CHCHD3: variants seen among roughly 807,000 people sequenced by gnomAD.
CHCHD3 encodes MICOS complex subunit MIC19.
Under a neutral mutation model 38.2 loss-of-function variants are expected in CHCHD3, and 20 were observed. The ratio of observed to expected loss-of-function variants is 0.52; its 90% CI spans 0.37 to 0.76. CHCHD3 has a LOEUF of 0.76. Among genes scored for constraint, CHCHD3 ranks in the 30% least tolerant of loss-of-function variants. The pLI, the probability that CHCHD3 is intolerant of heterozygous loss-of-function variation, is 0.00. For missense variants in CHCHD3, 245 were observed against 279.2 expected (o/e 0.88, Z 0.87); for synonymous variants, 82 against 100.0 (o/e 0.82, Z 1.07).
chr7:132,844,026 G>A (rs889093122), intron 5 of CHCHD3, among the ~76,000 whole-genome samples: 3 of 152,216 alleles, frequency 2.0e-5, no homozygotes, highest in Admixed American at 6.5e-5. Context: ...CGGGCCGGGC[G>A]AAGTGGCTCA....
At chr7:132,992,780 CTT>C (rs542266437) in intron 3 of CHCHD3, among the ~76,000 whole-genome samples, 3 of 152,014 alleles carry the variant, frequency 2.0e-5, no homozygotes, top group Non-Finnish European at 4.4e-5. Context: ...TTTAGAGTTA[CTT>C]TTTTTTGTTT....
Position 132,788,803 on chromosome 7 carries a change from T to C in CHCHD3, c.661-3143A>G, listed in dbSNP as rs917968025. ...GGTTCAGCTGATTTGTGGTGACTCCTTGAAGACATGTGGGACCACCACAGA... is the reference window on the plus strand; with the variant it reads ...GGTTCAGCTGATTTGTGGTGACTCCCTGAAGACATGTGGGACCACCACAGA... On this transcript the variant is annotated intron_variant, in intron 7 of 7. Transcript: ENST00000262570. The surrounding 1 kb of genome is among the most constrained non-coding windows in gnomAD (Gnocchi z 4.0). Among the ~76,000 whole-genome samples the C allele has an allele frequency of 2.6e-5, 4 of 152,236 alleles. No homozygotes were observed. Among genetic ancestry groups the C allele is most frequent in the Admixed American group, 6.5e-5 (1 of 15,288 alleles).
At chr7:132,798,378 G>T (rs868359049) in intron 6 of CHCHD3, among the ~76,000 whole-genome samples, 2 of 152,128 alleles carry the variant, frequency 1.3e-5, no homozygotes, top group African/African-American at 4.8e-5. Context: ...TCTGGACACA[G>T]ATTTCCCTAA....
chr7:132,999,361 C>T lies in CHCHD3; in HGVS notation c.252-24075G>A, dbSNP rs1584632659. ...AATGATTATTGTGGAATCCAATTAA[C>T]GATACTGTTAAGCATTTTGGTTAAG... is the stretch of plus-strand genomic sequence containing the variant. On this transcript the variant is annotated intron_variant, in intron 3 of 7. Transcript: ENST00000262570. Among the ~76,000 whole-genome samples, 4 of 152,124 alleles carry T rather than the reference C, an allele frequency of 2.6e-5. 1 individual carries two copies. The highest frequency in any genetic ancestry group is 1.3e-4 in the Admixed American group (2 of 15,280).
At chr7:132,990,957 C>CACACACAG (rs1812264488) in intron 3 of CHCHD3, among the ~76,000 whole-genome samples, 1 of 151,174 alleles carries the variant, frequency 6.6e-6, no homozygotes, top group Non-Finnish European at 1.5e-5. Context: ...CACATACACA[C>CACACACAG]ACACACACAC....
intron 3 of CHCHD3, among the ~76,000 whole-genome samples, chr7:133,016,001 A>G (rs545347690): frequency 2.0e-4 from 31 of 152,184 alleles, no homozygotes; most frequent in Non-Finnish European, 3.4e-4. Context: ...TGAGAAATCT[A>G]TCACAAGAAC....
intron 4 of CHCHD3, among the ~76,000 whole-genome samples, chr7:132,938,322 G>A (rs1296051060): frequency 6.6e-6 from 1 of 152,110 alleles, no homozygotes; most frequent in East Asian, 1.9e-4. Context: ...TCAAAGTAAG[G>A]CAAATGAGAA....
At chr7:132,938,393 T>C (rs1364874315) in intron 4 of CHCHD3, among the ~76,000 whole-genome samples, 3 of 152,118 alleles carry the variant, frequency 2.0e-5, no homozygotes, top group Non-Finnish European at 4.4e-5. Flanking sequence ...TGCACCCAAA[T>C]GAACACGTAA....
intron 3 of CHCHD3, among the ~76,000 whole-genome samples, chr7:132,984,824 CGGCAGCCACCCG>C (rs1812045874): frequency 7.9e-6 from 1 of 126,180 alleles, no homozygotes; most frequent in Non-Finnish European, 1.7e-5. Context: ...CGTCTCCGCC[CGGCAGCCACCCG>C]GTCTGGGAGG....
chr7:132,808,133 C>A (rs1806979396), intron 6 of CHCHD3, among the ~76,000 whole-genome samples: 1 of 152,186 alleles, frequency 6.6e-6, no homozygotes, highest in South Asian at 2.1e-4. Context: ...GGCACAAACC[C>A]TTCTGATTTA....
intron 5 of CHCHD3, among the ~76,000 whole-genome samples, chr7:132,860,577 G>A (rs1171447016): frequency 1.3e-5 from 2 of 152,050 alleles, no homozygotes; most frequent in South Asian, 2.1e-4. Flanking sequence ...TTATTCTAAC[G>A]GCTATGGAAA....
chr7:132,898,038 C>A (rs1036252167), intron 4 of CHCHD3, among the ~76,000 whole-genome samples: 5 of 150,228 alleles, frequency 3.3e-5, no homozygotes, highest in Non-Finnish European at 7.4e-5. Flanking sequence ...GCTCTTAAGG[C>A]GGCGTGTCTG....
chr7:132,868,886 C>T (rs374474408), intron 5 of CHCHD3, among the ~76,000 whole-genome samples: 1 of 152,142 alleles, frequency 6.6e-6, no homozygotes, highest in East Asian at 1.9e-4. Context: ...TTGCCCACCA[C>T]AGCCTGGTGA....
rs1318224928 is a variant in CHCHD3, at chr7:133,042,844, A to AG, written c.170-18218dup. ...ATATTATTAATAAAGATCATGACAA[A>AG]GTTTTTTTTTGTTTGTTTGCTTCGG... On this transcript the variant is annotated intron_variant, in intron 2 of 7. Coordinates refer to ENST00000262570, the MANE Select transcript of CHCHD3 (RefSeq NM_017812.4). Among the ~76,000 whole-genome samples the AG allele has an allele frequency of 2.6e-5, 4 of 152,086 alleles. No homozygotes were observed. In the East Asian group the frequency reaches 7.7e-4, roughly 29 times the overall value.
chr7:133,062,116 G>A (rs544355465), intron 2 of CHCHD3, among the ~76,000 whole-genome samples: 2 of 151,534 alleles, frequency 1.3e-5, no homozygotes, highest in Admixed American at 6.6e-5. Flanking sequence ...TTTTTAACAA[G>A]GAAAAACAAG....
At chr7:132,870,758 C>A (rs1171951647) in intron 5 of CHCHD3, among the ~76,000 whole-genome samples, 5 of 152,152 alleles carry the variant, frequency 3.3e-5, no homozygotes, top group African/African-American at 9.7e-5. Context: ...CAGACAAACA[C>A]CCACTCACTT....
intron 5 of CHCHD3, among the ~76,000 whole-genome samples, chr7:132,843,964 T>C (rs1284065123): frequency 6.6e-6 from 1 of 152,156 alleles, no homozygotes; most frequent in African/African-American, 2.4e-5. Context: ...GTATATGGAA[T>C]GGGGAAGAAA....
intron 4 of CHCHD3, among the ~76,000 whole-genome samples, chr7:132,901,828 G>A (rs573670615): frequency 6.6e-6 from 1 of 152,048 alleles, no homozygotes; most frequent in Non-Finnish European, 1.5e-5. Flanking sequence ...AATTAGATCC[G>A]ATTTGTCAAT....
chr7:132,879,716 TAAAAAAAA>T (rs56259114), intron 5 of CHCHD3, among the ~76,000 whole-genome samples: 4 of 38,426 alleles, frequency 1.0e-4, no homozygotes, highest in African/African-American at 2.1e-4. Context: ...TTGTCAAAAG[TAAAAAAAA>T]AAAAAAAAAA....
Sources: allele counts gnomAD v4.1 joint callset (sites outside exome capture counted in the v4.1 genomes callset), GRCh38; gene constraint gnomAD v4.1.1; non-coding constraint Gnocchi (gnomAD v3.1); transcripts MANE v1.5; gene names NCBI Gene and HGNC (gene_info 2026-07-23, HGNC 2026-07-21).